The following C3 variants were observed in gnomAD, a reference collection of about 807,000 sequenced individuals.
C3 encodes complement C3, also known as C3 and PZP-like alpha-2-macroglobulin domain-containing protein 1.
Under a neutral mutation model 207.9 loss-of-function variants are expected in C3, and 97 were observed. That is an observed-to-expected ratio of 0.47 (90% CI 0.40 to 0.55). The LOEUF is 0.55. Among genes scored for constraint, C3 ranks in the 20% least tolerant of loss-of-function variants. C3 has a pLI of 0.00. For synonymous variants in C3, 848 were observed against 857.6 expected (o/e 0.99, Z 0.20); for missense variants, 1,684 against 2,171.7 (o/e 0.78, Z 4.46).
chr19:6,699,674 T>A (rs1056426492), intron 19 of C3, among the ~76,000 whole-genome samples: 3 of 151,958 alleles, frequency 2.0e-5, no homozygotes, highest in Non-Finnish European at 2.9e-5. Flanking sequence ...GAAAATCTAG[T>A]ATCCTAAATG....
intron 14 of C3, 119 bp downstream of exon 14, chr19:6,709,565 G>C: frequency 1.7e-6 from 2 of 1,146,654 alleles, no homozygotes; most frequent in South Asian, 2.5e-5. Flanking sequence ...GGTCTGCTCC[G>C]ATCTCTGCTT....
In C3 at chr19:6,678,358, G is replaced by A. The variant is rs770608025; in HGVS notation, c.4714+14C>T. The A allele has an allele frequency of 5.0e-6, 8 of 1,614,026 alleles. No homozygotes were observed. Among genetic ancestry groups the A allele is most frequent in the Admixed American group, 1.7e-5 (1 of 59,996 alleles). On this transcript the variant is annotated intron_variant, in intron 39 of 40. Coordinates refer to ENST00000245907, the MANE Select transcript of C3 (RefSeq NM_000064.4). ...CCAGGGAAGAGCCACGGGAGGCAGC[G>A]TGCTGAGCCTGACCTGACTTGATGG...
intron 24 of C3, among the ~76,000 whole-genome samples, chr19:6,693,970 G>T (rs1235410302): frequency 7.0e-6 from 1 of 143,402 alleles, no homozygotes; most frequent in East Asian, 2.0e-4. Context: ...AGAAGAGGTG[G>T]GAGGCCCTCA....
At chr19:6,717,742 GT>G (rs1298449670) in intron 4 of C3, 52 of 370,190 alleles carry the variant, frequency 1.4e-4, no homozygotes, top group East Asian at 1.4e-3. Context: ...TGTGTTGTGT[GT>G]TGTGTGTGTG....
chr19:6,714,226 C>T lies in C3; in HGVS notation c.622G>A (p.Ala208Thr). The T allele has an allele frequency of 6.2e-7, 1 of 1,613,858 alleles. No homozygotes were observed. Among genetic ancestry groups the T allele is most frequent in the South Asian group, 1.1e-5 (1 of 91,090 alleles). The change falls in exon 6 of 41, where the codon GCC (alanine) becomes ACC (threonine). Residue 208 changes from alanine to threonine, a missense_variant. Around this residue, in one of 3 missense-constraint regions of C3, gnomAD observed 1,280 missense variants for 1,739.1 expected, o/e 0.74. Transcript: ENST00000245907. ...TGCTGTGGTGAGTTTTCATAGTAGG[C>T]TCGGATCTTCCACTGGCCCATGCTG... ...LVNMGQWKIRAYYENSPQQVF... is the reference protein window; with the variant it reads ...LVNMGQWKIRTYYENSPQQVF...
At chr19:6,704,149 C>T (rs1299460237) in intron 17 of C3, among the ~76,000 whole-genome samples, 2 of 151,954 alleles carry the variant, frequency 1.3e-5, no homozygotes, top group African/African-American at 4.8e-5. Context: ...GGCATGCTGG[C>T]ATGCACCTGT....
At chr19:6,712,676 C>A (rs1256947735) in intron 9 of C3, 53 bp from the exon 10 acceptor site, 2 of 1,453,400 alleles carry the variant, frequency 1.4e-6, no homozygotes, top group Non-Finnish European at 1.9e-6. Context: ...CAGGATTAGA[C>A]CTCCTCCCTC....
rs779301190 is a variant in C3, at chr19:6,711,065, G to T, written c.1401C>A (p.Pro467=). 1.2e-6 allele frequency: 2 copies of T among 1,614,162 alleles called. No individual in the cohort carries two copies. The highest frequency in any genetic ancestry group is 2.2e-5 in the South Asian group (2 of 91,086). The change falls in exon 12 of 41, where the codon CCC becomes CCA. Residue 467 remains proline (P), a synonymous_variant. Coordinates refer to ENST00000245907, the MANE Select transcript of C3 (RefSeq NM_000064.4). ...HLSVLRTELR[P]GETLNVNFLL... is the part of the protein sequence containing the mutation. Reference sequence around the variant, plus strand: ...GGAAGTTGACGTTGAGGGTCTCCCCGGGTCTGAGCTCTGTACGTAGCACTG... The same window carrying T: ...GGAAGTTGACGTTGAGGGTCTCCCCTGGTCTGAGCTCTGTACGTAGCACTG...
intron 18 of C3, 65 bp from the exon 19 acceptor site, chr19:6,702,277 T>C: frequency 8.8e-7 from 1 of 1,130,014 alleles, no homozygotes; most frequent in Non-Finnish European, 1.3e-6. Flanking sequence ...GGGGAAGAAC[T>C]GGTGCAGAGG....
intron 14 of C3, among the ~76,000 whole-genome samples, chr19:6,708,689 CT>C (rs34659937): frequency 0.3 from 37,862 of 125,744 alleles, 5,515 homozygotes; most frequent in East Asian, 0.45. Flanking sequence ...TCTTTCCATT[CT>C]TTTTTTTTTT....
chr19:6,718,268 T>C lies in C3; in HGVS notation c.412A>G (p.Ile138Val). 6 of 1,614,172 alleles carry C rather than the reference T, an allele frequency of 3.7e-6. No individual in the cohort carries two copies. Among genetic ancestry groups the C allele is most frequent in the Non-Finnish European group, 5.1e-6 (6 of 1,180,028 alleles). Residue 138 changes from isoleucine (I) to valine (V), a missense_variant, in exon 3 of 41, where the codon ATC becomes GTC. Physicochemically the swap from Ile to Val is conservative, Grantham distance 29. Coordinates refer to ENST00000245907, the MANE Select transcript of C3 (RefSeq NM_000064.4). The part of the protein sequence containing the change: ...GYLFIQTDKT[I>V]YTPGSTVLYR... ...TCACCTGTGGAGCCAGGGGTGTAGA[T>C]GGTCTTGTCTGTCTGGATGAAGAGG...
At chr19:6,687,860 CT>C (rs35034584) in intron 27 of C3, among the ~76,000 whole-genome samples, 3,086 of 140,120 alleles carry the variant, frequency 0.022, 75 homozygotes, top group African/African-American at 0.071. Context: ...TTTGTTGTTG[CT>C]TTTTTTTTTT....
At position 6,696,581 on chromosome 19, in the gene C3, C is replaced by T. The variant is rs1404106574; in HGVS notation, c.2863+12G>A. 6.2e-7 allele frequency: 1 copy of T among 1,613,666 alleles called. No individual in the cohort carries two copies. Among genetic ancestry groups the T allele is most frequent in the South Asian group, 1.1e-5 (1 of 91,076 alleles). On this transcript the variant is annotated intron_variant, in intron 22 of 40. Coordinates refer to ENST00000245907, the MANE Select transcript of C3 (RefSeq NM_000064.4). ...GCCAGCCCCTCAGCCCCTCCCCCTG[C>T]AGCCGACTCACCACGGCCCAGGCGT...
chr19:6,714,520 C>G, intron 4 of C3, 74 bp from the exon 5 acceptor site: 1 of 1,020,288 alleles, frequency 9.8e-7, no homozygotes, highest in South Asian at 1.3e-5. Context: ...TCAGCTCTCC[C>G]CGACCTGTGT....
Position 6,709,554 on chromosome 19 carries a change from T to C in C3, c.1845+130A>G, listed in dbSNP as rs1967859166. 4 of 1,033,418 alleles carry C rather than the reference T, an allele frequency of 3.9e-6. No individual in the cohort carries two copies. The Admixed American group carries it at 6.8e-5, about 17-fold the overall frequency. The allele number at this position is 1,033,418 out of a possible 1,614,324, so 64.0% of individuals were successfully genotyped here. A position where few individuals can be genotyped will look rare whatever the true frequency, so the allele number is the denominator to read the frequency against. On this transcript the variant is annotated intron_variant, in intron 14 of 40. Coordinates refer to ENST00000245907, the MANE Select transcript of C3 (RefSeq NM_000064.4). ...CTTCAGCTTCAACCATCCCTGTGTC[T>C]GGTCTGCTCCGATCTCTGCTTTCAG...
At chr19:6,691,055 C>CT (rs112828808) in intron 26 of C3, among the ~76,000 whole-genome samples, 53,856 of 131,582 alleles carry the variant, frequency 0.41, 11,133 homozygotes, top group Middle Eastern at 0.5. Flanking sequence ...GAGATATACA[C>CT]TTTTTTTTTT....
At position 6,714,255 on chromosome 19, in the gene C3, G is replaced by A. The variant is rs1967985570; in HGVS notation, c.600-7C>T. 1 of 1,613,662 alleles carries A rather than the reference G, an allele frequency of 6.2e-7. No homozygotes were observed. Among genetic ancestry groups the A allele is most frequent in the African/African-American group, 1.3e-5 (1 of 74,926 alleles). Reference sequence around the variant, plus strand: ...GATCTTCCACTGGCCCATGCTGTGAGGAGGGCGGATGAGTGGTCTCTCAGG... The same window carrying A: ...GATCTTCCACTGGCCCATGCTGTGAAGAGGGCGGATGAGTGGTCTCTCAGG... On this transcript the variant is annotated splice_polypyrimidine_tract_variant and splice_region_variant and intron_variant, in intron 5 of 40. Transcript: ENST00000245907.
Position 6,678,024 on chromosome 19 carries a change from C to CTGGA in C3, c.4851-5_4851-2dup. 1.9e-6 allele frequency: 3 copies of CTGGA among 1,614,090 alleles called. No individual in the cohort carries two copies. Among genetic ancestry groups the CTGGA allele is most frequent in the Non-Finnish European group, 2.5e-6 (3 of 1,180,016 alleles). ...GTCCTTCCCGATGATGTAGCTGAGG[C>CTGGA]TGGAGGGAAGAATGGCAGGTCAGGA... On this transcript the variant is annotated splice_acceptor_variant, in intron 40 of 40. Coordinates refer to ENST00000245907, the MANE Select transcript of C3 (RefSeq NM_000064.4). LOFTEE classifies it high-confidence loss of function.
intron 30 of C3, 69 bp from the exon 31 acceptor site, chr19:6,684,903 G>A: frequency 6.2e-7 from 1 of 1,606,770 alleles, no homozygotes. Context: ...ATGGTCACCT[G>A]GCCCTCCCTC....
Sources: gnomAD v4.1 joint callset for allele counts (sites outside exome capture counted in the v4.1 genomes callset) on GRCh38, gnomAD v4.1.1 for gene constraint, gnomAD v4.1.1 regional missense constraint, MANE v1.5 for transcripts, NCBI Gene and HGNC (gene_info 2026-07-23, HGNC 2026-07-21) for gene names.